Variants in AFF2 observed in about 807,000 individuals in gnomAD.
The protein encoded by AFF2 is ALF transcription elongation factor 2, also known as AF4/FMR2 family member 2.
In AFF2, 14 loss-of-function variants were observed where a neutral mutation model predicts 76.9. The observed-to-expected ratio is 0.18, with a 90% CI of 0.12 to 0.28. AFF2 has a LOEUF of 0.28. Among genes scored for constraint, AFF2 ranks in the 10% least tolerant of loss-of-function variants. The pLI is 1.00. For missense variants in AFF2, 868 were observed against 1,001.1 expected (o/e 0.87, Z 1.79); for synonymous variants, 398 against 366.7 (o/e 1.09, Z -0.98).
At chrX:148,811,535 A>G (rs782231592) in intron 4 of AFF2, among the ~76,000 whole-genome samples, 14 of 112,228 alleles carry the variant, frequency 1.2e-4, no homozygotes, top group Admixed American at 1.1e-3. Flanking sequence ...AACAGAAGGT[A>G]ATAACATTGA....
chrX:148,597,495 C>T (rs781824543), intron 1 of AFF2, among the ~76,000 whole-genome samples: 1 of 112,210 alleles, frequency 8.9e-6, no homozygotes, highest in African/African-American at 3.2e-5. Context: ...TTTCAAATTG[C>T]TGAGCATGAT....
chrX:148,824,269 T>C (rs2070361683), intron 4 of AFF2, among the ~76,000 whole-genome samples: 1 of 111,485 alleles, frequency 9.0e-6, no homozygotes, highest in South Asian at 3.7e-4. Context: ...GAGATCTGGA[T>C]TATTAACGTT....
intron 3 of AFF2, among the ~76,000 whole-genome samples, chrX:148,722,921 C>G (rs1050227922): frequency 4.5e-5 from 5 of 110,971 alleles, no homozygotes; most frequent in Admixed American, 3.8e-4. Flanking sequence ...GTCTTCACCA[C>G]TCAAGTATTA....
chrX:148,617,779 G>A (rs911869122), intron 1 of AFF2, among the ~76,000 whole-genome samples: 4 of 112,184 alleles, frequency 3.6e-5, no homozygotes, highest in African/African-American at 9.7e-5. Flanking sequence ...TACAAAATAT[G>A]TATCCTCAAG....
At chrX:148,647,466 GC>G (rs2054155322) in intron 1 of AFF2, among the ~76,000 whole-genome samples, 1 of 111,701 alleles carries the variant, frequency 9.0e-6, no homozygotes, top group African/African-American at 3.3e-5. Context: ...CCCTCGCCCA[GC>G]CTCTTCCCCA....
Position 148,955,726 on chromosome X carries a change from C to T in AFF2, c.1681C>T (p.Pro561Ser), listed in dbSNP as rs781864907. 1 of 1,211,691 alleles carries T rather than the reference C, an allele frequency of 8.3e-7. No homozygotes were observed. Among genetic ancestry groups the T allele is most frequent in the Non-Finnish European group, 1.1e-6 (1 of 895,519 alleles). ...CATGGAGACTATTTCTCTGCCTCCT[C>T]CAATCATCCAACCAATGGAAGTCCA... The part of the protein sequence containing the change: ...TPMETISLPP[P>S]IIQPMEVQMK... Residue 561 changes from proline to serine, a missense_variant, in exon 11 of 21, where the codon CCA becomes TCA. Physicochemically the swap from Pro to Ser is moderately conservative, Grantham distance 74. Coordinates refer to ENST00000370460, the MANE Select transcript of AFF2 (RefSeq NM_002025.4).
chrX:148,611,555 A>T (rs2053733345), intron 1 of AFF2, among the ~76,000 whole-genome samples: 1 of 111,253 alleles, frequency 9.0e-6, no homozygotes, highest in South Asian at 3.7e-4. Flanking sequence ...AGCAACCCCT[A>T]CCCAGTACGT....
chrX:148,693,724 A>G (rs782500991), intron 3 of AFF2, among the ~76,000 whole-genome samples: 13 of 112,046 alleles, frequency 1.2e-4, no homozygotes, highest in African/African-American at 4.2e-4. Context: ...TTCTGTACAC[A>G]TCAGATCTTG....
chrX:148,531,726 A>G (rs1244370129), intron 1 of AFF2, among the ~76,000 whole-genome samples: 1 of 112,211 alleles, frequency 8.9e-6, no homozygotes, highest in Non-Finnish European at 1.9e-5. Context: ...CTATCTGTCT[A>G]TATGTTAAGT....
chrX:148,712,196 A>G lies in AFF2; in HGVS notation c.1041+49428A>G, dbSNP rs782641078. 1.6e-3 allele frequency among the ~76,000 whole-genome samples: 181 copies of G among 111,993 alleles called. 1 individual carries two copies. Among genetic ancestry groups the G allele is most frequent in the African/African-American group, 5.8e-3 (179 of 30,849 alleles). On this transcript the variant is annotated intron_variant, in intron 3 of 20. Coordinates refer to ENST00000370460, the MANE Select transcript of AFF2 (RefSeq NM_002025.4). ...ATTCTACTATTTGTTCAATTTGCCA[A>G]TGTAAGAGATAAACATAGGATTTGG... is the stretch of plus-strand genomic sequence containing the variant.
intron 1 of AFF2, among the ~76,000 whole-genome samples, chrX:148,602,044 G>C (rs2053631565): frequency 8.9e-6 from 1 of 112,012 alleles, no homozygotes; most frequent in African/African-American, 3.2e-5. Flanking sequence ...GATGCATGGG[G>C]TAAAGTGATG....
intron 1 of AFF2, among the ~76,000 whole-genome samples, chrX:148,535,012 T>A (rs2052768832): frequency 9.0e-6 from 1 of 111,728 alleles, no homozygotes; most frequent in South Asian, 3.8e-4. Context: ...GAATGCTAAC[T>A]CTTCTCCTTA....
intron 16 of AFF2, among the ~76,000 whole-genome samples, chrX:148,977,307 A>G (rs1445197082): frequency 9.0e-6 from 1 of 110,990 alleles, no homozygotes; most frequent in African/African-American, 3.3e-5. Context: ...GAGAATAGAA[A>G]GACAAAATAT....
intron 1 of AFF2, among the ~76,000 whole-genome samples, chrX:148,640,719 G>A (rs782392250): frequency 1.8e-5 from 2 of 112,212 alleles, no homozygotes; most frequent in Admixed American, 9.4e-5. Flanking sequence ...ATTTCTTCAA[G>A]GATCTTCCTG....
intron 1 of AFF2, among the ~76,000 whole-genome samples, chrX:148,586,284 G>GAA (rs2053469043): frequency 8.9e-6 from 1 of 111,823 alleles, no homozygotes; most frequent in South Asian, 3.8e-4. Flanking sequence ...ATGTGAATAT[G>GAA]GAAGTGGAAG....
At chrX:148,583,678 C>A (rs2053437094) in intron 1 of AFF2, among the ~76,000 whole-genome samples, 1 of 111,679 alleles carries the variant, frequency 9.0e-6, no homozygotes, top group Admixed American at 9.5e-5. Flanking sequence ...ACATTAAAAG[C>A]TACAAGTTTG....
At chrX:148,886,072 C>A in intron 8 of AFF2, 87 bp downstream of exon 8, 1 of 680,617 alleles carries the variant, frequency 1.5e-6, no homozygotes, top group Non-Finnish European at 2.4e-6. Context: ...CATGCGCAAA[C>A]TTCCCCATGC....
intron 7 of AFF2, among the ~76,000 whole-genome samples, chrX:148,848,342 T>A (rs1470680470): frequency 8.9e-6 from 1 of 112,186 alleles, no homozygotes; most frequent in African/African-American, 3.2e-5. Flanking sequence ...GTTTTCCAGA[T>A]TGCTATAACC....
chrX:148,698,021 GC>G (rs1471030678), intron 3 of AFF2, among the ~76,000 whole-genome samples: 1 of 112,341 alleles, frequency 8.9e-6, no homozygotes, highest in African/African-American at 3.2e-5. Context: ...AAGTGCAAAT[GC>G]TGAATGTATT....
Sources: allele counts gnomAD v4.1 joint callset (sites outside exome capture counted in the v4.1 genomes callset), GRCh38; gene constraint gnomAD v4.1.1; transcripts MANE v1.5; gene names NCBI Gene and HGNC (gene_info 2026-07-23, HGNC 2026-07-21).